SLCO1A2: variants seen among roughly 807,000 people sequenced by gnomAD.
SLCO1A2 encodes the protein OATP-1.
SLCO1A2 carries 67 observed loss-of-function variants against 69.0 expected under a neutral mutation model. The observed-to-expected ratio is 0.97, with a 90% CI of 0.80 to 1.19. The LOEUF (loss-of-function observed/expected upper bound fraction) is 1.19. Ranked by LOEUF, SLCO1A2 falls within the 50% of genes most tolerant of loss-of-function variation. The probability of loss-of-function intolerance (pLI) is 0.00; values close to 1 mark genes in which losing one functional copy is unlikely to be tolerated. For missense variants in SLCO1A2, 787 were observed against 793.7 expected (o/e 0.99, Z 0.10); for synonymous variants, 260 against 265.9 (o/e 0.98, Z 0.22).
chr12:21,299,767 TGTGTATATATATATATATATATACACAC>T (rs1948321665), intron 8 of SLCO1A2, among the ~76,000 whole-genome samples: 2 of 122,182 alleles, frequency 1.6e-5, no homozygotes, highest in Non-Finnish European at 3.3e-5. Flanking sequence ...TATATATACG[TGTGTATATATATATATATATATACACAC>T]ACACGTATAT....
intron 1 of SLCO1A2, among the ~76,000 whole-genome samples, chr12:21,409,031 C>G (rs918555170): frequency 1.3e-5 from 2 of 152,190 alleles, no homozygotes; most frequent in African/African-American, 4.8e-5. Context: ...GTTCTAAAAG[C>G]AACCAAGTTT....
At position 21,293,949 on chromosome 12, in the gene SLCO1A2, T is replaced by G. The variant is rs757125173; in HGVS notation, c.1433A>C (p.Asn478Thr). ...GCETSIGTGI[N>T]MVFQNCSCIQ... is the part of the protein sequence containing the mutation. ...CTGTCAAATAGGATGTCTTACCATG[T>G]TTATTCCCGTTCCAATGGATGTCTC... Residue 478 changes from asparagine to threonine, a missense_variant, in exon 11 of 15, where the codon AAC (asparagine) becomes ACC (threonine). Physicochemically the swap from Asn to Thr is moderately conservative, Grantham distance 65. Coordinates refer to ENST00000683939, the MANE Select transcript of SLCO1A2 (RefSeq NM_001386879.1). The G allele has an allele frequency of 4.4e-6, 7 of 1,607,034 alleles. No individual in the cohort carries two copies. The Admixed American group carries it at 1.2e-4, about 27-fold the overall frequency.
At chr12:21,406,971 C>G (rs1240377828) in intron 1 of SLCO1A2, among the ~76,000 whole-genome samples, 1 of 152,088 alleles carries the variant, frequency 6.6e-6, no homozygotes, top group East Asian at 1.9e-4. Flanking sequence ...AGACACATTG[C>G]GTATGTTCAA....
chr12:21,393,035 T>C (rs1941238861), intron 1 of SLCO1A2, among the ~76,000 whole-genome samples: 1 of 147,692 alleles, frequency 6.8e-6, no homozygotes, highest in Non-Finnish European at 1.5e-5. Flanking sequence ...CTATTATCAA[T>C]AATTCATGCC....
At chr12:21,285,830 A>G (rs535338507) in intron 12 of SLCO1A2, among the ~76,000 whole-genome samples, 1 of 152,240 alleles carries the variant, frequency 6.6e-6, no homozygotes, top group East Asian at 1.9e-4. Flanking sequence ...AAAAACTCTC[A>G]ATAAATTAGG....
intron 2 of SLCO1A2, among the ~76,000 whole-genome samples, chr12:21,357,528 A>T (rs1219483370): frequency 6.6e-6 from 1 of 152,204 alleles, no homozygotes; most frequent in Non-Finnish European, 1.5e-5. Flanking sequence ...TTTTGTCCCA[A>T]CTGGTTGGAA....
chr12:21,384,371 A>G (rs1337277490), intron 1 of SLCO1A2, among the ~76,000 whole-genome samples: 3 of 152,220 alleles, frequency 2.0e-5, no homozygotes, highest in Non-Finnish European at 2.9e-5. Context: ...AAATGACACA[A>G]AGAAACTTGT....
intron 2 of SLCO1A2, among the ~76,000 whole-genome samples, chr12:21,363,309 G>A (rs990606711): frequency 2.6e-5 from 4 of 152,108 alleles, no homozygotes; most frequent in Admixed American, 1.3e-4. Flanking sequence ...GGTACATAAC[G>A]AAATGAAGGC....
chr12:21,292,863 G>A (rs1298868474), intron 11 of SLCO1A2, among the ~76,000 whole-genome samples: 4 of 152,032 alleles, frequency 2.6e-5, no homozygotes, highest in Non-Finnish European at 4.4e-5. Flanking sequence ...CAAAGTGCTG[G>A]GATTCCTAGG....
chr12:21,400,120 C>G (rs1941637751), upstream of SLCO1A2, among the ~76,000 whole-genome samples: 2 of 152,102 alleles, frequency 1.3e-5, no homozygotes, highest in Middle Eastern at 3.4e-3. Flanking sequence ...TTTTCGCAAC[C>G]TACTCATCTG....
At chr12:21,362,400 C>T (rs536806528) in intron 2 of SLCO1A2, among the ~76,000 whole-genome samples, 3 of 152,242 alleles carry the variant, frequency 2.0e-5, no homozygotes, top group Non-Finnish European at 2.9e-5. Flanking sequence ...CTTAAGGAAG[C>T]ACTAAACATG....
chr12:21,378,602 T>C, intron 1 of SLCO1A2: 2 of 544,576 alleles, frequency 3.7e-6, no homozygotes, highest in Middle Eastern at 4.8e-4. Flanking sequence ...GGTCCCATAA[T>C]AAAAAGATAG....
chr12:21,418,476 TG>T (rs1942023136), upstream of SLCO1A2, among the ~76,000 whole-genome samples: 1 of 152,138 alleles, frequency 6.6e-6, no homozygotes, highest in Admixed American at 6.5e-5. Context: ...AGAGGTTTAG[TG>T]AATTCACAGT....
At chr12:21,381,122 A>G (rs189525281) in intron 1 of SLCO1A2, among the ~76,000 whole-genome samples, 11 of 152,264 alleles carry the variant, frequency 7.2e-5, no homozygotes, top group South Asian at 6.2e-4. Context: ...TAACTGGTAT[A>G]TGATCCCAAA....
intron 8 of SLCO1A2, among the ~76,000 whole-genome samples, chr12:21,298,086 C>CCG (rs1948014559): frequency 6.6e-6 from 1 of 152,124 alleles, no homozygotes; most frequent in African/African-American, 2.4e-5. Context: ...TCTCAAGTAT[C>CCG]CGGAATTTTT....
intron 1 of SLCO1A2, among the ~76,000 whole-genome samples, chr12:21,381,401 C>A (rs563274277): frequency 6.6e-6 from 1 of 151,998 alleles, no homozygotes; most frequent in Non-Finnish European, 1.5e-5. Context: ...AAATGGCCAA[C>A]AAACATGAAA....
At chr12:21,278,345 C>T (rs1024667950) in intron 12 of SLCO1A2, among the ~76,000 whole-genome samples, 1 of 152,100 alleles carries the variant, frequency 6.6e-6, no homozygotes, top group African/African-American at 2.4e-5. Flanking sequence ...AAGACAAAAA[C>T]ATGGCTGGAT....
upstream of SLCO1A2, among the ~76,000 whole-genome samples, chr12:21,338,952 A>G (rs949606287): frequency 6.6e-6 from 1 of 152,014 alleles, no homozygotes; most frequent in Admixed American, 6.6e-5. Flanking sequence ...CTTGTAATCC[A>G]CTTAGCCTAG....
intron 1 of SLCO1A2, among the ~76,000 whole-genome samples, chr12:21,389,129 A>G (rs192081512): frequency 1.3e-5 from 2 of 152,262 alleles, no homozygotes; most frequent in Non-Finnish European, 1.5e-5. Context: ...ACAACCAAAT[A>G]TGAGTTAGGG....
Sources: gnomAD v4.1 joint callset for allele counts (sites outside exome capture counted in the v4.1 genomes callset) on GRCh38, gnomAD v4.1.1 for gene constraint, MANE v1.5 for transcripts, NCBI Gene and HGNC (gene_info 2026-07-23, HGNC 2026-07-21) for gene names.